Variants in PRDM1 observed in about 807,000 individuals in gnomAD.
PRDM1 encodes PR domain zinc finger protein 1.
PRDM1 carries 13 observed loss-of-function variants against 62.8 expected under a neutral mutation model. That is an observed-to-expected ratio of 0.21 (90% CI 0.13 to 0.33). PRDM1 has a LOEUF of 0.33. Ranked by LOEUF, PRDM1 falls within the 10% of genes least tolerant of loss-of-function variation. The pLI is 1.00. For synonymous variants in PRDM1, 396 were observed against 417.6 expected (o/e 0.95, Z 0.63); for missense variants, 895 against 1,058.8 (o/e 0.85, Z 2.15).
chr6:106,052,357 C>G (rs928640801), intron 1 of PRDM1, among the ~76,000 whole-genome samples: 12 of 152,110 alleles, frequency 7.9e-5, no homozygotes, highest in African/African-American at 2.9e-4. Context: ...ATTTTTTTTA[C>G]TCTATGGAAG....
At chr6:106,071,535 C>T (rs958826795) in intron 1 of PRDM1, among the ~76,000 whole-genome samples, 5 of 152,158 alleles carry the variant, frequency 3.3e-5, no homozygotes, top group African/African-American at 1.2e-4. Context: ...CCCATCCATA[C>T]ACTTGCTGGT....
chr6:106,042,842 C>G (rs1012905044), intron 1 of PRDM1, among the ~76,000 whole-genome samples: 1 of 152,134 alleles, frequency 6.6e-6, no homozygotes, highest in African/African-American at 2.4e-5. Context: ...TCTCCCCATT[C>G]TACAAGGCTA....
intron 3 of PRDM1, chr6:106,098,106 G>T: frequency 1.6e-6 from 1 of 621,636 alleles, no homozygotes; most frequent in Non-Finnish European, 2.0e-6. Context: ...AGCATAGTCG[G>T]TACGTGAGTA....
rs532462152 is a variant in PRDM1 at position 106,005,226 on chromosome 6, C to T, written c.-67+11587C>T. ...CCCCATTTTCATGTGCTAATGAAGC[C>T]GAAAGTGACTTAAGAGGATTTCTTT... On this transcript the variant is annotated intron_variant, in intron 1 of 6. Coordinates refer to the PRDM1 transcript ENST00000652320. Among the ~76,000 whole-genome samples the T allele has an allele frequency of 2.6e-5, 4 of 152,296 alleles. No homozygotes were observed. The South Asian group carries it at 8.3e-4, about 32-fold the overall frequency.
intron 1 of PRDM1, among the ~76,000 whole-genome samples, chr6:106,000,426 T>G (rs1291649621): frequency 6.6e-6 from 1 of 151,946 alleles, no homozygotes; most frequent in Non-Finnish European, 1.5e-5. Context: ...GCCACTTCAC[T>G]CCAGCCTGGG....
intron 3 of PRDM1, chr6:106,098,813 G>T: frequency 1.3e-6 from 2 of 1,518,868 alleles, no homozygotes; most frequent in Non-Finnish European, 1.8e-6. Flanking sequence ...GCCTTGGGCG[G>T]GGGTGTAGGA....
rs2114663748 is a variant in PRDM1 at position 106,107,141 on chromosome 6, T to C, written c.2133T>C (p.Ala711=). 1 of 1,614,164 alleles carries C rather than the reference T, an allele frequency of 6.2e-7. No individual in the cohort carries two copies. The highest frequency in any genetic ancestry group is 8.5e-7 in the Non-Finnish European group (1 of 1,179,986). ...AGGTTCACCTGAAAGGGAACTGCGC[T>C]GCGGCCCCGGCGCCTGGGCTGCCCT... ...SLKVHLKGNC[A]AAPAPGLPLE... is the part of the protein sequence containing the mutation. Residue 711 remains alanine (A), a synonymous_variant, in exon 7 of 7, where the codon GCT becomes GCC. Coordinates refer to ENST00000369096, the MANE Select transcript of PRDM1 (RefSeq NM_001198.4).
chr6:106,089,700 A>AT (rs1289044160), intron 2 of PRDM1, among the ~76,000 whole-genome samples: 1 of 152,234 alleles, frequency 6.6e-6, no homozygotes, highest in African/African-American at 2.4e-5. Flanking sequence ...GTCAGCCTTA[A>AT]TTATACCTCT....
rs2114663237 is a variant in PRDM1, at chr6:106,107,099, C to G, written c.2091C>G (p.Ile697Met). The G allele has an allele frequency of 6.2e-7, 1 of 1,614,248 alleles. No individual in the cohort carries two copies. The highest frequency in any genetic ancestry group is 8.5e-7 in the Non-Finnish European group (1 of 1,180,046). Reference protein sequence around the residue: ...HKCSQCHKNYIHLCSLKVHLK... With the variant: ...HKCSQCHKNYMHLCSLKVHLK... ...GCTCCCAGTGCCACAAGAACTACATCCATCTCTGTAGCCTCAAGGTTCACC... is the reference window on the plus strand; with the variant it reads ...GCTCCCAGTGCCACAAGAACTACATGCATCTCTGTAGCCTCAAGGTTCACC... The change falls in exon 7 of 7, where the codon ATC becomes ATG. Residue 697 changes from isoleucine (I) to methionine (M), a missense_variant. Transcript: ENST00000369096.
upstream of PRDM1, among the ~76,000 whole-genome samples, chr6:106,081,333 C>A (rs536346934): frequency 5.3e-5 from 8 of 152,176 alleles, no homozygotes; most frequent in Non-Finnish European, 1.2e-4. Context: ...TGCTTAGGAT[C>A]CATTACAGAA....
chr6:106,103,415 A>C (rs181306232), intron 4 of PRDM1, among the ~76,000 whole-genome samples: 1 of 152,222 alleles, frequency 6.6e-6, no homozygotes, highest in Non-Finnish European at 1.5e-5. Context: ...GGATATTTGC[A>C]CAAAGGCTTC....
chr6:106,042,409 C>T (rs1773012316), intron 1 of PRDM1, among the ~76,000 whole-genome samples: 2 of 151,536 alleles, frequency 1.3e-5, no homozygotes, highest in Admixed American at 1.3e-4. Flanking sequence ...TGCCTGTAAT[C>T]CCAGCTACTC....
Position 106,106,892 on chromosome 6 carries a change from T to G in PRDM1, c.1903-19T>G. On this transcript the variant is annotated intron_variant, in intron 6 of 6. Coordinates refer to ENST00000369096, the MANE Select transcript of PRDM1 (RefSeq NM_001198.4). The surrounding 1 kb of genome is among the most constrained non-coding windows in gnomAD (Gnocchi z 4.4). ...CTTCCTGTCTCCCTTCCCTGCTGTCTCTCTCCCCTACACTGTAGGTCTGCC... is the reference window on the plus strand; with the variant it reads ...CTTCCTGTCTCCCTTCCCTGCTGTCGCTCTCCCCTACACTGTAGGTCTGCC... 1 of 1,592,454 alleles carries G rather than the reference T, an allele frequency of 6.3e-7. No homozygotes were observed. The highest frequency in any genetic ancestry group is 2.2e-5 in the East Asian group (1 of 44,528).
At chr6:106,086,086 T>C (rs550237643), upstream of PRDM1, among the ~76,000 whole-genome samples, 130 of 152,306 alleles carry the variant, frequency 8.5e-4, no homozygotes, top group African/African-American at 3.0e-3. Flanking sequence ...AGGAGGGCGA[T>C]CTGGAGTGTT....
intron 1 of PRDM1, among the ~76,000 whole-genome samples, chr6:106,078,794 C>T (rs1426927827): frequency 2.0e-5 from 3 of 151,996 alleles, no homozygotes; most frequent in Non-Finnish European, 1.5e-5. Context: ...TGGGAGGCTA[C>T]GGTGAGCCAT....
chr6:106,040,913 C>A (rs542410431), intron 1 of PRDM1, among the ~76,000 whole-genome samples: 16 of 152,298 alleles, frequency 1.1e-4, no homozygotes, highest in African/African-American at 3.8e-4. Context: ...TGTTACAGGT[C>A]TTAATTTGGC....
In PRDM1 at chr6:105,994,513, C is replaced by CA. The variant is rs554194371; in HGVS notation, c.-67+879dup. On this transcript the variant is annotated intron_variant, in intron 1 of 6. Coordinates refer to the PRDM1 transcript ENST00000652320. This position sits in a 1 kb window ranked among gnomAD's most constrained non-coding sequence, Gnocchi z 4.1. ...AGCCCCCTTTTAAAAAGTCGCTCAC[C>CA]AAAAACGGGGTGGGGGATGGAGGTG... Among the ~76,000 whole-genome samples the CA allele has an allele frequency of 2.6e-4, 39 of 152,218 alleles. No homozygotes were observed. In the East Asian group the frequency reaches 6.0e-3, roughly 23 times the overall value.
In PRDM1 at chr6:106,095,513, TGTTA is replaced by T. The variant is rs1025173636; in HGVS notation, c.292-98_292-95del. ...TGTTTACTTATCAAAATTTTATCAT[TGTTA>T]GTTGTATTACTACTTGACAGTCCAA... On this transcript the variant is annotated intron_variant, in intron 2 of 6. Coordinates refer to ENST00000369096, the MANE Select transcript of PRDM1 (RefSeq NM_001198.4). 3.6e-5 allele frequency: 48 copies of T among 1,324,952 alleles called. No homozygotes were observed. In the Admixed American group the frequency reaches 9.6e-4, roughly 26 times the overall value. The allele number at this position is 1,324,952 out of a possible 1,614,324, so 82.1% of individuals were successfully genotyped here. A position where few individuals can be genotyped will look rare whatever the true frequency, so the allele number is the denominator to read the frequency against.
At chr6:106,014,529 A>T (rs1236672459) in intron 1 of PRDM1, among the ~76,000 whole-genome samples, 1 of 151,866 alleles carries the variant, frequency 6.6e-6, no homozygotes, top group Non-Finnish European at 1.5e-5. Flanking sequence ...AAAAAATTGA[A>T]ACCAGATTAT....
Sources: allele counts gnomAD v4.1 joint callset (sites outside exome capture counted in the v4.1 genomes callset), GRCh38; gene constraint gnomAD v4.1.1; non-coding constraint Gnocchi (gnomAD v3.1); transcripts MANE v1.5; gene names NCBI Gene and HGNC (gene_info 2026-07-23, HGNC 2026-07-21).